The following JUP variants were observed in gnomAD, a reference collection of about 807,000 sequenced individuals.
JUP encodes junction plakoglobin, also known as catenin (cadherin-associated protein), gamma 80kDa.
In JUP, 28 loss-of-function variants were observed where a neutral mutation model predicts 71.1. That is an observed-to-expected ratio of 0.39 (90% CI 0.29 to 0.54). The LOEUF (loss-of-function observed/expected upper bound fraction) is 0.54, where lower values mean the gene tolerates loss of function less well. Ranked by LOEUF, JUP falls within the 20% of genes least tolerant of loss-of-function variation. JUP has a pLI of 0.62. For synonymous variants in JUP, 401 were observed against 438.9 expected (o/e 0.91, Z 1.08); for missense variants, 869 against 1,030.1 (o/e 0.84, Z 2.14).
At chr17:41,756,585 G>T (rs1410839953) in intron 12 of JUP, among the ~76,000 whole-genome samples, 1 of 146,542 alleles carries the variant, frequency 6.8e-6, no homozygotes, top group African/African-American at 2.6e-5. Flanking sequence ...GGCGACAGGA[G>T]TGAGACTCTG....
At chr17:41,782,871 G>A (rs1224455127) in intron 1 of JUP, among the ~76,000 whole-genome samples, 4 of 152,132 alleles carry the variant, frequency 2.6e-5, no homozygotes, top group South Asian at 2.1e-4. Flanking sequence ...TGAGGCGGGC[G>A]GATCTCCTGA....
At chr17:41,765,781 G>A (rs4629018) in intron 5 of JUP, among the ~76,000 whole-genome samples, 122,928 of 152,286 alleles carry the variant, frequency 0.81, 50,154 homozygotes, top group African/African-American at 0.89. Flanking sequence ...AATTAGTCCA[G>A]TCCTTCTGGA....
Position 41,780,715 on chromosome 17 carries a change from A to G in JUP, c.-9+5873T>C, listed in dbSNP as rs529240938. Reference sequence around the variant, plus strand: ...ATCTCAAAAAACAAACCAAAAAAAAAAAAGAAAGAAAAGAGAAGAGGAGAA... The same window carrying G: ...ATCTCAAAAAACAAACCAAAAAAAAGAAAGAAAGAAAAGAGAAGAGGAGAA... On this transcript the variant is annotated intron_variant, in intron 1 of 13. Transcript: ENST00000393931. Among the ~76,000 whole-genome samples, 7 of 151,600 alleles carry G rather than the reference A, an allele frequency of 4.6e-5. No homozygotes were observed. The South Asian group carries it at 1.3e-3, about 27-fold the overall frequency.
chr17:41,783,423 G>A (rs1449456108), intron 1 of JUP, among the ~76,000 whole-genome samples: 8 of 151,208 alleles, frequency 5.3e-5, no homozygotes, highest in Non-Finnish European at 1.0e-4. Context: ...CAGTAGCTGG[G>A]ACCACAGGCA....
At chr17:41,761,768 A>AG (rs1460114592) in intron 8 of JUP, among the ~76,000 whole-genome samples, 2 of 151,076 alleles carry the variant, frequency 1.3e-5, no homozygotes, top group African/African-American at 4.9e-5. Context: ...AAAAAAAAAA[A>AG]AAGAAGAAAT....
chr17:41,783,041 G>A (rs1423309581), intron 1 of JUP, among the ~76,000 whole-genome samples: 1 of 151,330 alleles, frequency 6.6e-6, no homozygotes, highest in Non-Finnish European at 1.5e-5. Context: ...ACGTTACAGT[G>A]AGCCGAGATC....
At chr17:41,758,623 A>T in intron 9 of JUP, 92 bp downstream of exon 9, 1 of 1,572,570 alleles carries the variant, frequency 6.4e-7, no homozygotes. Context: ...AATTGGCATC[A>T]GTTGCAACTG....
intron 1 of JUP, among the ~76,000 whole-genome samples, chr17:41,779,362 A>G (rs1295678282): frequency 3.3e-4 from 37 of 113,626 alleles, no homozygotes; most frequent in Non-Finnish European, 5.5e-4. Flanking sequence ...TTTGAGACAG[A>G]TGTCACCCAG....
rs1205967739 is a variant in JUP, at chr17:41,769,507, T to C, written c.379A>G (p.Ile127Val). Residue 127 changes from isoleucine (I) to valine (V), a missense_variant, in exon 3 of 14, where the codon ATT becomes GTT. By Grantham distance (29) the Ile-to-Val change is conservative (BLOSUM62 3). Coordinates refer to ENST00000393931, the MANE Select transcript of JUP (RefSeq NM_002230.4). ...TCCTGGTAGTTGATGAGATGCACAA[T>C]GGCCGACTTGAGCAGCTGGGACGGC... is the stretch of plus-strand genomic sequence containing the variant. ...AEPSQLLKSA[I>V]VHLINYQDDA... 8.1e-6 allele frequency: 13 copies of C among 1,612,840 alleles called. No homozygotes were observed. The highest frequency in any genetic ancestry group is 6.8e-6 in the Non-Finnish European group (8 of 1,179,642).
intron 1 of JUP, chr17:41,772,125 A>G: frequency 3.6e-6 from 2 of 557,370 alleles, no homozygotes; most frequent in Non-Finnish European, 6.5e-6. Context: ...CTGACCTCCC[A>G]GGGGGATGAG....
intron 12 of JUP, 144 bp downstream of exon 12, chr17:41,757,271 A>G: frequency 1.0e-6 from 1 of 971,444 alleles, no homozygotes; most frequent in Non-Finnish European, 1.6e-6. Flanking sequence ...CACTACTTCC[A>G]TCTGCTAGGA....
chr17:41,774,312 GTT>G (rs558452160), intron 1 of JUP, among the ~76,000 whole-genome samples: 123 of 152,148 alleles, frequency 8.1e-4, no homozygotes, highest in African/African-American at 2.8e-3. Context: ...CCTGGCAGAT[GTT>G]TTATAATTTC....
Position 41,758,727 on chromosome 17 carries a change from C to A in JUP, c.1641G>T (p.Gln547His). 1 of 1,601,896 alleles carries A rather than the reference C, an allele frequency of 6.2e-7. No homozygotes were observed. The highest frequency in any genetic ancestry group is 2.3e-5 in the East Asian group (1 of 44,230). ...CCAGCTCACATACCGTGTAGGGCTGCTGTGTGCCTGCAGCTACGTGGCGCT... is the reference window on the plus strand; with the variant it reads ...CCAGCTCACATACCGTGTAGGGCTGATGTGTGCCTGCAGCTACGTGGCGCT... ...DAQRHVAAGT[Q>H]QPYTDGVRME... The change falls in exon 9 of 14, where the codon CAG becomes CAT. Residue 547 changes from glutamine (Q) to histidine (H), a missense_variant. By Grantham distance (24) the Gln-to-His change is conservative. Coordinates refer to ENST00000393931, the MANE Select transcript of JUP (RefSeq NM_002230.4).
chr17:41,760,070 CG>C (rs1369624316), intron 8 of JUP, among the ~76,000 whole-genome samples: 135 of 151,272 alleles, frequency 8.9e-4, no homozygotes, highest in African/African-American at 3.1e-3. Context: ...AGAAATTAGC[CG>C]GGAATTGCTT....
chr17:41,778,258 G>A (rs2143830161), intron 1 of JUP, among the ~76,000 whole-genome samples: 1 of 152,132 alleles, frequency 6.6e-6, no homozygotes, highest in East Asian at 1.9e-4. Context: ...TTGGAATAAA[G>A]TTTTGGCTAA....
intron 1 of JUP, among the ~76,000 whole-genome samples, chr17:41,782,465 C>T (rs910190602): frequency 6.6e-6 from 1 of 152,144 alleles, no homozygotes; most frequent in Non-Finnish European, 1.5e-5. Flanking sequence ...TTGGCATAGC[C>T]CCAGCCCCCA....
At chr17:41,767,627 G>C (rs1555604669) in intron 4 of JUP, 47 bp from the exon 5 acceptor site, 1 of 1,500,582 alleles carries the variant, frequency 6.7e-7, no homozygotes, top group Non-Finnish European at 9.1e-7. Context: ...CAGAGGCCTG[G>C]CATACATGTG....
At chr17:41,775,263 GCAACGT>G (rs1211936903) in intron 1 of JUP, among the ~76,000 whole-genome samples, 1 of 152,144 alleles carries the variant, frequency 6.6e-6, no homozygotes, top group Admixed American at 6.6e-5. Context: ...CTGGGGGTGG[GCAACGT>G]CAGAGTTGGG....
At position 41,755,731 on chromosome 17, in the gene JUP, G is replaced by T; in HGVS notation, c.*13C>A. 2 of 1,568,690 alleles carry T rather than the reference G, an allele frequency of 1.3e-6. No homozygotes were observed. Among genetic ancestry groups the T allele is most frequent in the Non-Finnish European group, 1.7e-6 (2 of 1,153,586 alleles). On this transcript the variant is annotated 3_prime_UTR_variant, in exon 14 of 14. Coordinates refer to ENST00000393931, the MANE Select transcript of JUP (RefSeq NM_002230.4). ...AAGCCTGCAAAGAGGGGGCCGTACT[G>T]GGGCCAGGCCGCCTAGGCCAGCATG...
Sources: gnomAD v4.1 joint callset for allele counts (sites outside exome capture counted in the v4.1 genomes callset) on GRCh38, gnomAD v4.1.1 for gene constraint, MANE v1.5 for transcripts, NCBI Gene and HGNC (gene_info 2026-07-23, HGNC 2026-07-21) for gene names.